SPSB4: variants seen among roughly 807,000 people sequenced by gnomAD.
SPSB4 encodes SPRY domain-containing SOCS box protein 4.
SPSB4 carries 21 observed loss-of-function variants against 20.9 expected under a neutral mutation model. That is an observed-to-expected ratio of 1.01 (90% CI 0.71 to 1.45). The LOEUF (loss-of-function observed/expected upper bound fraction) is 1.45. SPSB4 is among the 40% of genes most tolerant of loss of function. The pLI, the probability that SPSB4 is intolerant of heterozygous loss-of-function variation, is 0.00. For missense variants in SPSB4, 399 were observed against 399.2 expected, an observed-to-expected ratio of 1.00 and a Z score of 0.00; for synonymous variants, 207 against 183.8, an observed-to-expected ratio of 1.13 and a Z score of -1.02.
intron 2 of SPSB4, among the ~76,000 whole-genome samples, chr3:141,103,830 C>CT (rs398062861): frequency 1.8e-3 from 262 of 144,014 alleles, no homozygotes; most frequent in South Asian, 6.2e-3. Context: ...CAAAAATGAC[C>CT]TTTTTTTTTT....
intron 2 of SPSB4, chr3:141,077,009 G>T (rs1401038820): frequency 6.6e-6 from 1 of 152,236 alleles, no homozygotes; most frequent in Non-Finnish European, 1.5e-5. Context: ...TGCCAGGCTG[G>T]CGGCAGCCTT....
intron 2 of SPSB4, among the ~76,000 whole-genome samples, chr3:141,133,189 G>A (rs192968557): frequency 3.8e-4 from 58 of 152,128 alleles, no homozygotes; most frequent in East Asian, 1.2e-3. Context: ...TGAGTTCCTT[G>A]TAGATTCTGG....
At chr3:141,054,339 A>G (rs2107773196) in intron 1 of SPSB4, among the ~76,000 whole-genome samples, 1 of 152,356 alleles carries the variant, frequency 6.6e-6, no homozygotes, top group East Asian at 1.9e-4. Context: ...TATGTACTAT[A>G]TAAGTACATA....
At chr3:141,079,371 T>C (rs1480869164) in intron 2 of SPSB4, among the ~76,000 whole-genome samples, 1 of 152,160 alleles carries the variant, frequency 6.6e-6, no homozygotes, top group Non-Finnish European at 1.5e-5. Context: ...GACAAGCTTC[T>C]TACTGAAATT....
At chr3:141,118,666 T>C (rs1938918024) in intron 2 of SPSB4, among the ~76,000 whole-genome samples, 1 of 152,236 alleles carries the variant, frequency 6.6e-6, no homozygotes, top group Non-Finnish European at 1.5e-5. Context: ...TTAATTTTTG[T>C]ATAAAGTGTA....
rs748667883 is a variant in SPSB4, at chr3:141,066,228, G to A, written c.124G>A (p.Asp42Asn). The change falls in exon 2 of 3, where the codon GAC becomes AAC. Residue 42 changes from aspartate (D) to asparagine (N), a missense_variant. Transcript: ENST00000310546. ...GRPARLDQLL[D>N]MPAAGLAVQL... ...GCCGGCGCGGCTGGACCAGCTGTTG[G>A]ACATGCCAGCGGCGGGGCTGGCTGT... The A allele has an allele frequency of 2.6e-6, 4 of 1,556,782 alleles. No individual in the cohort carries two copies. Among genetic ancestry groups the A allele is most frequent in the Middle Eastern group, 1.7e-4 (1 of 5,916 alleles).
intron 2 of SPSB4, among the ~76,000 whole-genome samples, chr3:141,146,679 C>CAGG: frequency 6.6e-6 from 1 of 151,578 alleles, no homozygotes; most frequent in East Asian, 1.9e-4. Flanking sequence ...GAGGCTGAGG[C>CAGG]AGGAGAATGG....
intron 2 of SPSB4, among the ~76,000 whole-genome samples, chr3:141,075,373 TTAG>T (rs1364602691): frequency 6.6e-6 from 1 of 151,658 alleles, no homozygotes; most frequent in African/African-American, 2.4e-5. Flanking sequence ...AACCAGGGGG[TTAG>T]CACAGTCACA....
chr3:141,119,653 T>C (rs1002001582), intron 2 of SPSB4, among the ~76,000 whole-genome samples: 2 of 151,942 alleles, frequency 1.3e-5, no homozygotes, highest in African/African-American at 4.8e-5. Context: ...TTATTATTTA[T>C]CCAGGAATTT....
At chr3:141,097,459 A>G (rs1938561212) in intron 2 of SPSB4, among the ~76,000 whole-genome samples, 2 of 152,260 alleles carry the variant, frequency 1.3e-5, no homozygotes, top group South Asian at 4.2e-4. Context: ...GGTTTACCCA[A>G]GTTGGCCAAG....
chr3:141,055,111 T>G (rs1446382727), intron 1 of SPSB4, among the ~76,000 whole-genome samples: 1 of 152,220 alleles, frequency 6.6e-6, no homozygotes, highest in African/African-American at 2.4e-5. Flanking sequence ...GGGCACTGGC[T>G]CCATTAAGAA....
intron 2 of SPSB4, among the ~76,000 whole-genome samples, chr3:141,084,933 A>T (rs1255016878): frequency 6.6e-6 from 1 of 152,246 alleles, no homozygotes; most frequent in African/African-American, 2.4e-5. Flanking sequence ...CTATGGATAC[A>T]GAATTGTAGG....
chr3:141,100,981 A>G (rs1938604512), intron 2 of SPSB4, among the ~76,000 whole-genome samples: 2 of 152,130 alleles, frequency 1.3e-5, no homozygotes, highest in South Asian at 2.1e-4. Flanking sequence ...CCCCTCTGGT[A>G]GCGGGGATGC....
chr3:141,108,383 C>G (rs1938734341), intron 2 of SPSB4, among the ~76,000 whole-genome samples: 1 of 152,186 alleles, frequency 6.6e-6, no homozygotes, highest in Non-Finnish European at 1.5e-5. Flanking sequence ...GCAGGGCTTC[C>G]CTTCCTAATT....
At chr3:141,062,696 G>T (rs1937788193) in intron 1 of SPSB4, among the ~76,000 whole-genome samples, 2 of 152,144 alleles carry the variant, frequency 1.3e-5, no homozygotes, top group African/African-American at 4.8e-5. Flanking sequence ...ATAGGATTTT[G>T]TGATCTATAA....
At chr3:141,094,616 G>A (rs934173511) in intron 2 of SPSB4, among the ~76,000 whole-genome samples, 1 of 151,974 alleles carries the variant, frequency 6.6e-6, no homozygotes, top group Non-Finnish European at 1.5e-5. Flanking sequence ...TTTACTCCTG[G>A]GCCTTTTTTT....
At chr3:141,054,152 T>G (rs1451007026) in intron 1 of SPSB4, among the ~76,000 whole-genome samples, 1 of 152,208 alleles carries the variant, frequency 6.6e-6, no homozygotes, top group Non-Finnish European at 1.5e-5. Context: ...GGGAAAGACC[T>G]AGTACAACTC....
At chr3:141,085,494 T>G (rs1414693593) in intron 2 of SPSB4, among the ~76,000 whole-genome samples, 4 of 152,176 alleles carry the variant, frequency 2.6e-5, no homozygotes, top group Non-Finnish European at 4.4e-5. Flanking sequence ...GCACCCACAT[T>G]CCAGGCAGCA....
In SPSB4 at chr3:141,084,946, T is replaced by C. The variant is rs1233579004; in HGVS notation, c.694+18148T>C. Among the ~76,000 whole-genome samples, 6 of 152,262 alleles carry C rather than the reference T, an allele frequency of 3.9e-5. No individual in the cohort carries two copies. The South Asian group carries it at 8.3e-4, about 21-fold the overall frequency. On this transcript the variant is annotated intron_variant, in intron 2 of 2. Transcript: ENST00000310546. ...AGCTATGGATACAGAATTGTAGGAATTGGTGATAGGGGTTGTAATTGAGCA... is the reference window on the plus strand; with the variant it reads ...AGCTATGGATACAGAATTGTAGGAACTGGTGATAGGGGTTGTAATTGAGCA...
Sources: gnomAD v4.1 joint callset for allele counts (sites outside exome capture counted in the v4.1 genomes callset) on GRCh38, gnomAD v4.1.1 for gene constraint, MANE v1.5 for transcripts, NCBI Gene and HGNC (gene_info 2026-07-23, HGNC 2026-07-21) for gene names.